Variants in EVC observed in about 807,000 individuals in gnomAD.
EVC encodes the protein evC complex member EVC.
In EVC, 116 loss-of-function variants were observed where a neutral mutation model predicts 118.9. The ratio of observed to expected loss-of-function variants is 0.98; its 90% CI spans 0.84 to 1.14. The LOEUF (loss-of-function observed/expected upper bound fraction) is 1.14. EVC is among the 50% of genes most tolerant of loss of function. The pLI, the probability that EVC is intolerant of heterozygous loss-of-function variation, is 0.00. For missense variants in EVC, 1,401 were observed against 1,246.4 expected, an observed-to-expected ratio of 1.12 and a Z score of -1.87; for synonymous variants, 619 against 534.7, an observed-to-expected ratio of 1.16 and a Z score of -2.18.
In EVC at chr4:5,808,287, T is replaced by A. The variant is rs1172095316; in HGVS notation, c.2648T>A (p.Val883Asp). ...CACGCCCAGCAGCAGCAGGCAGGAG[T>A]CATGGACCTTCTGGAAGCCCAGCTG... is the stretch of plus-strand genomic sequence containing the variant. The part of the protein sequence containing the change: ...RLHAQQQQAG[V>D]MDLLEAQLET... Residue 883 changes from valine to aspartate, a missense_variant, in exon 18 of 21, where the codon GTC becomes GAC. Val to Asp is a radical substitution (Grantham distance 152). Coordinates refer to ENST00000264956, the MANE Select transcript of EVC (RefSeq NM_153717.3). The A allele has an allele frequency of 6.2e-7, 1 of 1,613,582 alleles. No homozygotes were observed. The highest frequency in any genetic ancestry group is 8.5e-7 in the Non-Finnish European group (1 of 1,179,968).
intron 15 of EVC, 118 bp from the exon 16 acceptor site, chr4:5,801,832 G>T: frequency 8.7e-7 from 1 of 1,143,030 alleles, no homozygotes. Flanking sequence ...GACCAATCCA[G>T]GTTGGTGAGT....
At chr4:5,725,109 C>T (rs1460586698) in intron 2 of EVC, among the ~76,000 whole-genome samples, 1 of 152,156 alleles carries the variant, frequency 6.6e-6, no homozygotes, top group Non-Finnish European at 1.5e-5. Flanking sequence ...ACCACATTTT[C>T]TTTATCCACT....
At chr4:5,796,388 A>G (rs1034885364) in intron 13 of EVC, among the ~76,000 whole-genome samples, 5 of 152,132 alleles carry the variant, frequency 3.3e-5, no homozygotes, top group African/African-American at 1.2e-4. Flanking sequence ...TAAGACTTCA[A>G]ATGATATGAT....
rs542667023 is a variant in EVC, at chr4:5,752,924, G to A, written c.1187G>A (p.Arg396Gln). Residue 396 changes from arginine to glutamine, a missense_variant, in exon 9 of 21, where the codon CGG becomes CAG. Coordinates refer to ENST00000264956, the MANE Select transcript of EVC (RefSeq NM_153717.3). ...KLQVQEETRCRLAAISHGLEL... is the reference protein window; with the variant it reads ...KLQVQEETRCQLAAISHGLEL... Reference sequence around the variant, plus strand: ...CAAGTCCAGGAGGAGACCAGGTGCCGGCTGGCTGCCATCTCCCACGGCCTG... The same window carrying A: ...CAAGTCCAGGAGGAGACCAGGTGCCAGCTGGCTGCCATCTCCCACGGCCTG... 50 of 1,614,184 alleles carry A rather than the reference G, an allele frequency of 3.1e-5. No homozygotes were observed. Among genetic ancestry groups the A allele is most frequent in the African/African-American group, 2.4e-4 (18 of 75,076 alleles).
Position 5,711,469 on chromosome 4 carries a change from C to G in EVC, c.89C>G (p.Pro30Arg), listed in dbSNP as rs886044558. The G allele has an allele frequency of 1.0e-5, 11 of 1,066,420 alleles. No homozygotes were observed. Among genetic ancestry groups the G allele is most frequent in the African/African-American group, 1.7e-5 (1 of 58,662 alleles). 66.1% of individuals were successfully genotyped at this position (1,066,420 alleles called of 1,614,324 possible). A position where few individuals can be genotyped will look rare whatever the true frequency, so the allele number is the denominator to read the frequency against. The part of the protein sequence containing the change: ...ALRPAPALLA[P>R]AVLLGAALGL... ...CGGCCGGCGCCCGCCCTGCTGGCCC[C>G]CGCCGTGCTGCTGGGCGCCGCGCTC... Residue 30 changes from proline (P) to arginine (R), a missense_variant, in exon 1 of 21, where the codon CCC (proline) becomes CGC (arginine). Coordinates refer to ENST00000264956, the MANE Select transcript of EVC (RefSeq NM_153717.3).
At chr4:5,815,809 C>T (rs912971303), downstream of EVC, among the ~76,000 whole-genome samples, 1 of 152,150 alleles carries the variant, frequency 6.6e-6, no homozygotes, top group Non-Finnish European at 1.5e-5. Flanking sequence ...GAATGTACAC[C>T]ATTGACCGGC....
In EVC at chr4:5,763,916, T is replaced by C. The variant is rs1208362110; in HGVS notation, c.1563+7554T>C. 9.5e-3 allele frequency among the ~76,000 whole-genome samples: 1,247 copies of C among 131,306 alleles called. 20 individuals carry two copies. The highest frequency in any genetic ancestry group is 0.028 in the African/African-American group (927 of 33,430). The allele number at this position is 131,306 out of a possible 152,430, so 86.1% of individuals were successfully genotyped here. A position where few individuals can be genotyped will look rare whatever the true frequency, so the allele number is the denominator to read the frequency against. On this transcript the variant is annotated intron_variant, in intron 11 of 20. Coordinates refer to ENST00000264956, the MANE Select transcript of EVC (RefSeq NM_153717.3). The stretch of plus-strand genomic sequence containing the variant: ...ATTTCCTTCTCCTGCCTAATTGCCC[T>C]GGCCAGAACTTCCAACACTATGTTG...
At position 5,808,293 on chromosome 4, in the gene EVC, A is replaced by G. The variant is rs540660500; in HGVS notation, c.2654A>G (p.Asp885Gly). ...CAGCAGCAGCAGGCAGGAGTCATGG[A>G]CCTTCTGGAAGCCCAGCTGGAGACC... ...HAQQQQAGVM[D>G]LLEAQLETQL... is the part of the protein sequence containing the mutation. The change falls in exon 18 of 21, where the codon GAC (aspartate) becomes GGC (glycine). Residue 885 changes from aspartate to glycine, a missense_variant. By Grantham distance (94) the Asp-to-Gly change is moderately conservative. Coordinates refer to ENST00000264956, the MANE Select transcript of EVC (RefSeq NM_153717.3). 15 of 1,614,124 alleles carry G rather than the reference A, an allele frequency of 9.3e-6. No individual in the cohort carries two copies. In the African/African-American group the frequency reaches 1.7e-4, roughly 19 times the overall value.
Position 5,793,697 on chromosome 4 carries a change from ACTGGGCGGCCT to A in EVC, c.1868_1878del (p.Leu623HisfsTer2). The A allele has an allele frequency of 1.3e-6, 2 of 1,550,654 alleles. No individual in the cohort carries two copies. Among genetic ancestry groups the A allele is most frequent in the Non-Finnish European group, 1.7e-6 (2 of 1,147,292 alleles). Reference sequence around the variant, plus strand: ...GCACCATCCGCGGCGTCTTGGGCCGACTGGGCGGCCTCACTGAAGAGTGAGTACAGCTCCCT... The same window carrying A: ...GCACCATCCGCGGCGTCTTGGGCCGACACTGAAGAGTGAGTACAGCTCCCT... On this transcript the variant is annotated frameshift_variant, in exon 13 of 21. Transcript: ENST00000264956. LOFTEE classifies it high-confidence loss of function.
Position 5,811,125 on chromosome 4 carries a change from G to T in EVC, c.*88G>T. 5 of 1,021,908 alleles carry T rather than the reference G, an allele frequency of 4.9e-6. No individual in the cohort carries two copies. In the South Asian group the frequency reaches 5.5e-5, roughly 11 times the overall value. 63.3% of individuals were successfully genotyped at this position (1,021,908 alleles called of 1,614,324 possible). A position where few individuals can be genotyped will look rare whatever the true frequency, so the allele number is the denominator to read the frequency against. On this transcript the variant is annotated 3_prime_UTR_variant, in exon 21 of 21. Transcript: ENST00000264956. ...CTCCTGCAGTGCTGAGAGGCAGCGAGGACGGAGAGGACAGCGGCATCTCTA... is the reference window on the plus strand; with the variant it reads ...CTCCTGCAGTGCTGAGAGGCAGCGATGACGGAGAGGACAGCGGCATCTCTA...
At chr4:5,792,895 G>T (rs1713060179) in intron 12 of EVC, among the ~76,000 whole-genome samples, 1 of 152,144 alleles carries the variant, frequency 6.6e-6, no homozygotes. Context: ...GTCATTGAAG[G>T]CATGAAGAAA....
downstream of EVC, among the ~76,000 whole-genome samples, chr4:5,814,716 C>A (rs1240985006): frequency 6.6e-6 from 1 of 152,106 alleles, no homozygotes; most frequent in Non-Finnish European, 1.5e-5. Flanking sequence ...CCCCTGCCCC[C>A]CACTGGGCCT....
chr4:5,825,506 A>G, the EVC span: 1 of 1,574,324 alleles, frequency 6.4e-7, no homozygotes, highest in East Asian at 2.4e-5. This position sits in a 1 kb window ranked among gnomAD's most constrained non-coding sequence, Gnocchi z 4.4. Context: ...GATAAGCTGA[A>G]GTTGGACTGG....
rs1209515298 is a variant in EVC at position 5,736,545 on chromosome 4, C to CA, written c.702+3112dup. 2.7e-5 allele frequency among the ~76,000 whole-genome samples: 4 copies of CA among 147,860 alleles called. No individual in the cohort carries two copies. The East Asian group carries it at 7.9e-4, about 29-fold the overall frequency. ...TTTTTTACAAATTGAAGGGTTTTGG[C>CA]AACTCTGCATCCAGCAAGTCTGTTG... On this transcript the variant is annotated intron_variant, in intron 5 of 20. Transcript: ENST00000264956.
chr4:5,747,717 A>G (rs1353947583), intron 7 of EVC, among the ~76,000 whole-genome samples: 1 of 152,210 alleles, frequency 6.6e-6, no homozygotes, highest in Non-Finnish European at 1.5e-5. Context: ...AAGCTTTTGT[A>G]CTTTTAGGAC....
At position 5,753,790 on chromosome 4, in the gene EVC, G is replaced by A. The variant is rs202150959; in HGVS notation, c.1321G>A (p.Val441Ile). 4.3e-4 allele frequency: 699 copies of A among 1,614,108 alleles called. 1 individual carries two copies. Among genetic ancestry groups the A allele is most frequent in the Non-Finnish European group, 5.3e-4 (629 of 1,179,992 alleles). ...GTGGCTTTTTTCAATCCCAGAGTTT[G>A]TCCAGCGAGGCAAAGACCTGGTCAC... ...QEAERFSREF[V>I]QRGKDLVTAS... Residue 441 changes from valine to isoleucine, a missense_variant, in exon 10 of 21, where the codon GTC (valine) becomes ATC (isoleucine). Physicochemically the swap from Val to Ile is conservative, Grantham distance 29. Coordinates refer to ENST00000264956, the MANE Select transcript of EVC (RefSeq NM_153717.3).
intron 11 of EVC, among the ~76,000 whole-genome samples, chr4:5,766,248 T>C (rs1435251982): frequency 6.6e-6 from 1 of 151,878 alleles, no homozygotes; most frequent in Admixed American, 6.5e-5. Context: ...CTCTTCTGGC[T>C]TGTAGAGTTT....
At chr4:5,725,483 A>C (rs1725664109) in intron 2 of EVC, among the ~76,000 whole-genome samples, 1 of 151,936 alleles carries the variant, frequency 6.6e-6, no homozygotes, top group African/African-American at 2.4e-5. Flanking sequence ...AGTGATGTTG[A>C]GCTTTTTTTC....
At chr4:5,751,609 A>G (rs981969271) in intron 8 of EVC, among the ~76,000 whole-genome samples, 1 of 152,222 alleles carries the variant, frequency 6.6e-6, no homozygotes, top group African/African-American at 2.4e-5. Context: ...CAGTGTGGCC[A>G]TGGCTGGTCA....
Sources: allele counts gnomAD v4.1 joint callset (sites outside exome capture counted in the v4.1 genomes callset), GRCh38; gene constraint gnomAD v4.1.1; non-coding constraint Gnocchi (gnomAD v3.1); transcripts MANE v1.5; gene names NCBI Gene and HGNC (gene_info 2026-07-23, HGNC 2026-07-21).